GABRG3: variants seen among roughly 807,000 people sequenced by gnomAD.
GABRG3 encodes the protein gamma-aminobutyric acid type A receptor subunit gamma3, also known as gamma-aminobutyric acid receptor subunit gamma-3.
In GABRG3, 25 loss-of-function variants were observed where a neutral mutation model predicts 48.8. The observed-to-expected ratio is 0.51, with a 90% CI of 0.37 to 0.72. The LOEUF (loss-of-function observed/expected upper bound fraction) is 0.72, where lower values mean the gene tolerates loss of function less well. Among genes scored for constraint, GABRG3 ranks in the 30% least tolerant of loss-of-function variants. The probability of loss-of-function intolerance (pLI) is 0.00; values close to 1 mark genes in which losing one functional copy is unlikely to be tolerated. For missense variants in GABRG3, 394 were observed against 577.9 expected, an observed-to-expected ratio of 0.68 and a Z score of 3.26; for synonymous variants, 227 against 217.6, an observed-to-expected ratio of 1.04 and a Z score of -0.38.
chr15:27,231,123 A>C (rs190110298), intron 3 of GABRG3, among the ~76,000 whole-genome samples: 33 of 152,224 alleles, frequency 2.2e-4, no homozygotes, highest in Admixed American at 2.0e-3. Flanking sequence ...AGGAAATATC[A>C]AATATCCATA....
intron 5 of GABRG3, among the ~76,000 whole-genome samples, chr15:27,336,963 G>A (rs1294277946): frequency 6.6e-6 from 1 of 152,238 alleles, no homozygotes; most frequent in Non-Finnish European, 1.5e-5. Flanking sequence ...TAAGCAGGAA[G>A]TGAGAGCTAA....
chr15:27,293,496 G>A (rs1452779471), intron 3 of GABRG3, among the ~76,000 whole-genome samples: 2 of 145,442 alleles, frequency 1.4e-5, no homozygotes, highest in East Asian at 1.9e-4. Context: ...CCAACATGGC[G>A]AAACCCTGTC....
At chr15:27,345,727 G>A (rs995202309) in intron 5 of GABRG3, among the ~76,000 whole-genome samples, 1 of 152,100 alleles carries the variant, frequency 6.6e-6, no homozygotes, top group African/African-American at 2.4e-5. Flanking sequence ...GGGTAGGTCT[G>A]CTCTTGACAA....
At chr15:27,164,504 A>G (rs531852396) in intron 3 of GABRG3, among the ~76,000 whole-genome samples, 1 of 152,218 alleles carries the variant, frequency 6.6e-6, no homozygotes, top group Non-Finnish European at 1.5e-5. Context: ...AAGATCTTTC[A>G]TAGCTTTGAT....
chr15:27,527,620 GACA>G lies in GABRG3; in HGVS notation c.1057_1059del (p.Thr353del), dbSNP rs760910630. 970 of 1,607,850 alleles carry G rather than the reference GACA, an allele frequency of 6.0e-4. 6 individuals carry two copies. In the South Asian group the frequency reaches 9.9e-3, roughly 16 times the overall value. ...GTAGAAAACCAACCACCACGAAGAA[GACA>G]ACATCGGTGAGCTGCAGTAGCAAAG... On this transcript the variant is annotated inframe_deletion, in exon 8 of 10. Coordinates refer to ENST00000615808, the MANE Select transcript of GABRG3 (RefSeq NM_033223.5).
chr15:27,517,324 G>A (rs1246640290), intron 6 of GABRG3, among the ~76,000 whole-genome samples: 5 of 152,198 alleles, frequency 3.3e-5, no homozygotes, highest in African/African-American at 1.2e-4. Context: ...CTCCAGTCAT[G>A]CACCCAACAC....
At chr15:27,012,265 G>A (rs970709741) in intron 2 of GABRG3, among the ~76,000 whole-genome samples, 1 of 152,004 alleles carries the variant, frequency 6.6e-6, no homozygotes, top group African/African-American at 2.4e-5. Context: ...TTTCTTATAA[G>A]GTGTCAGCCA....
intron 3 of GABRG3, among the ~76,000 whole-genome samples, chr15:27,313,280 A>ATATATG (rs1159722539): frequency 1.2e-5 from 1 of 83,722 alleles, no homozygotes; most frequent in East Asian, 4.6e-4. Flanking sequence ...ATATATATAT[A>ATATATG]TATATATATA....
intron 3 of GABRG3, among the ~76,000 whole-genome samples, chr15:27,159,542 T>A (rs960101119): frequency 4.6e-5 from 7 of 152,132 alleles, no homozygotes; most frequent in Admixed American, 3.9e-4. Context: ...TTCCATTCTT[T>A]AAGGGATTTC....
At chr15:27,181,762 C>A (rs145285742) in intron 3 of GABRG3, among the ~76,000 whole-genome samples, 1 of 152,096 alleles carries the variant, frequency 6.6e-6, no homozygotes, top group Non-Finnish European at 1.5e-5. Flanking sequence ...AAGATCCCAA[C>A]GCTCAGAAGT....
intron 3 of GABRG3, among the ~76,000 whole-genome samples, chr15:27,265,882 G>GTTTTTTTTTTTTTTTTT (rs57522857): frequency 1.2e-4 from 15 of 127,582 alleles, no homozygotes; most frequent in African/African-American, 3.7e-4. Context: ...TTTTCTCCTG[G>GTTTTTTTTTTTTTTTTT]TTTTTTTTTT....
At chr15:27,305,638 A>C (rs1384842698) in intron 3 of GABRG3, among the ~76,000 whole-genome samples, 1 of 136,104 alleles carries the variant, frequency 7.3e-6, no homozygotes, top group Non-Finnish European at 1.6e-5. Flanking sequence ...ATATAAACCT[A>C]TATGTTTATA....
chr15:27,080,290 G>A lies in GABRG3; in HGVS notation c.270+53469G>A, dbSNP rs541078868. On this transcript the variant is annotated intron_variant, in intron 3 of 9. Transcript: ENST00000615808. ...CATAGCGAGAACCTCTCTCTAATAA[G>A]TAAATAAATAAATAAATAAAAATTA... Among the ~76,000 whole-genome samples the A allele has an allele frequency of 1.4e-4, 21 of 151,502 alleles. No individual in the cohort carries two copies. In the East Asian group the frequency reaches 2.9e-3, roughly 21 times the overall value.
chr15:27,379,048 G>A (rs1009304947), intron 5 of GABRG3, among the ~76,000 whole-genome samples: 1 of 152,148 alleles, frequency 6.6e-6, no homozygotes, highest in African/African-American at 2.4e-5. Context: ...ATTTTTTACT[G>A]TGTTTGTTTC....
chr15:27,247,902 C>T (rs948684755), intron 3 of GABRG3, among the ~76,000 whole-genome samples: 2 of 152,178 alleles, frequency 1.3e-5, no homozygotes, highest in East Asian at 1.9e-4. Flanking sequence ...GTCCCTTTCA[C>T]AACACATGGG....
In GABRG3 at chr15:27,265,881, G is replaced by GTTTTTTTTT. The variant is rs147459440; in HGVS notation, c.271-60928_271-60927insTTTTTTTTT. Among the ~76,000 whole-genome samples, 7 of 124,816 alleles carry GTTTTTTTTT rather than the reference G, an allele frequency of 5.6e-5. 2 individuals carry two copies. Among genetic ancestry groups the GTTTTTTTTT allele is most frequent in the South Asian group, 2.5e-4 (1 of 3,980 alleles). 81.9% of individuals were successfully genotyped at this position (124,816 alleles called of 152,430 possible). Reference sequence around the variant, plus strand: ...TGCAAGGTCAAGAAGATTTTCTCCTGGTTTTTTTTTTTTTTTGAGAGTGAC... The same window carrying GTTTTTTTTT: ...TGCAAGGTCAAGAAGATTTTCTCCTGTTTTTTTTTGTTTTTTTTTTTTTTTGAGAGTGAC... On this transcript the variant is annotated intron_variant, in intron 3 of 9. Transcript: ENST00000615808.
At chr15:27,041,221 C>T (rs1896271578) in intron 3 of GABRG3, among the ~76,000 whole-genome samples, 1 of 152,128 alleles carries the variant, frequency 6.6e-6, no homozygotes. Flanking sequence ...CTCTCTGTGT[C>T]ACCCAGGCTG....
intron 6 of GABRG3, among the ~76,000 whole-genome samples, chr15:27,484,402 G>A (rs746886738): frequency 1.3e-5 from 2 of 152,116 alleles, no homozygotes; most frequent in African/African-American, 2.4e-5. Flanking sequence ...GGAATTATCG[G>A]AAACAGGCTG....
chr15:27,210,733 G>C (rs896783437), intron 3 of GABRG3, among the ~76,000 whole-genome samples: 4 of 152,214 alleles, frequency 2.6e-5, no homozygotes, highest in African/African-American at 9.6e-5. Context: ...TGTTCCCACA[G>C]CTCTGAAAAG....
Sources: gnomAD v4.1 joint callset for allele counts (sites outside exome capture counted in the v4.1 genomes callset) on GRCh38, gnomAD v4.1.1 for gene constraint, MANE v1.5 for transcripts, NCBI Gene and HGNC (gene_info 2026-07-23, HGNC 2026-07-21) for gene names.